Variants in SEMA5A observed in about 807,000 individuals in gnomAD.
SEMA5A encodes the protein semaphorin-5A.
SEMA5A carries 55 observed loss-of-function variants against 135.5 expected under a neutral mutation model. That is an observed-to-expected ratio of 0.41 (90% CI 0.33 to 0.51). SEMA5A has a LOEUF of 0.51. Ranked by LOEUF, SEMA5A falls within the 20% of genes least tolerant of loss-of-function variation. The probability of loss-of-function intolerance (pLI) is 0.37; values close to 1 mark genes in which losing one functional copy is unlikely to be tolerated. For missense variants in SEMA5A, 1,290 were observed against 1,419.9 expected (o/e 0.91, Z 1.47); for synonymous variants, 580 against 546.5 (o/e 1.06, Z -0.85).
chr5:9,163,360 G>A (rs550853005), intron 11 of SEMA5A, among the ~76,000 whole-genome samples: 5 of 152,194 alleles, frequency 3.3e-5, no homozygotes, highest in East Asian at 1.9e-4. Flanking sequence ...TATATATAAT[G>A]TAGACTCTCA....
At chr5:9,365,584 C>G (rs146863189) in intron 3 of SEMA5A, among the ~76,000 whole-genome samples, 1 of 152,122 alleles carries the variant, frequency 6.6e-6, no homozygotes, top group South Asian at 2.1e-4. Flanking sequence ...AGATGAGTTC[C>G]TCACTCACCT....
rs1229341997 is a variant in SEMA5A, at chr5:9,471,644, A to G, written c.-174-33792T>C. ...AGAAACAGTAGCAAAGAGAGTTTTT[A>G]AATATCCAAACTATGCATCCTAAAT... On this transcript the variant is annotated intron_variant, in intron 1 of 22. Coordinates refer to ENST00000382496, the MANE Select transcript of SEMA5A (RefSeq NM_003966.3). 4.6e-5 allele frequency among the ~76,000 whole-genome samples: 7 copies of G among 152,374 alleles called. No individual in the cohort carries two copies. In the East Asian group the frequency reaches 1.2e-3, roughly 25 times the overall value.
Position 9,165,116 on chromosome 5 carries a change from A to G in SEMA5A, c.1274-10421T>C, listed in dbSNP as rs547648254. On this transcript the variant is annotated intron_variant, in intron 11 of 22. Coordinates refer to ENST00000382496, the MANE Select transcript of SEMA5A (RefSeq NM_003966.3). ...TGGCTTAAATGCTGAGACACCTGGG[A>G]ACACTGAGCAATCAAAAAATACTCA... 4.6e-5 allele frequency among the ~76,000 whole-genome samples: 7 copies of G among 152,304 alleles called. No homozygotes were observed. The South Asian group carries it at 1.5e-3, about 32-fold the overall frequency.
chr5:9,488,595 C>G (rs1183087208), intron 1 of SEMA5A, among the ~76,000 whole-genome samples: 4 of 152,168 alleles, frequency 2.6e-5, no homozygotes, highest in Admixed American at 6.5e-5. Context: ...CTGCATGGGT[C>G]ATATGTCTGA....
At chr5:9,382,552 A>C (rs1755661857) in intron 2 of SEMA5A, among the ~76,000 whole-genome samples, 1 of 152,188 alleles carries the variant, frequency 6.6e-6, no homozygotes, top group Non-Finnish European at 1.5e-5. Flanking sequence ...AGGAAGGAAA[A>C]GACATGATAA....
intron 12 of SEMA5A, among the ~76,000 whole-genome samples, chr5:9,143,511 A>C (rs1053932389): frequency 6.6e-6 from 1 of 152,240 alleles, no homozygotes; most frequent in African/African-American, 2.4e-5. Flanking sequence ...AAGCATACTA[A>C]GCATATGTTC....
Position 9,489,971 on chromosome 5 carries a change from A to G in SEMA5A, c.-174-52119T>C, listed in dbSNP as rs117108821. On this transcript the variant is annotated intron_variant, in intron 1 of 22. Coordinates refer to ENST00000382496, the MANE Select transcript of SEMA5A (RefSeq NM_003966.3). ...CTTGCTATGTGATTTTGCAGAAGAC[A>G]TGGAAGTTGGCAGGCTAGCTGAAAT... is the stretch of plus-strand genomic sequence containing the variant. Among the ~76,000 whole-genome samples the G allele has an allele frequency of 6.5e-4, 99 of 152,322 alleles. No individual in the cohort carries two copies. The East Asian group carries it at 0.016, about 25-fold the overall frequency.
chr5:9,162,843 T>A (rs1579516512), intron 11 of SEMA5A, among the ~76,000 whole-genome samples: 1 of 152,160 alleles, frequency 6.6e-6, no homozygotes, highest in East Asian at 1.9e-4. Context: ...GGTCCAGAAA[T>A]GTTAACTGAT....
intron 1 of SEMA5A, among the ~76,000 whole-genome samples, chr5:9,503,921 G>A (rs1036675672): frequency 3.3e-5 from 5 of 152,088 alleles, no homozygotes; most frequent in African/African-American, 7.2e-5. Flanking sequence ...TAATTATAAC[G>A]AAATACATTT....
chr5:9,521,616 C>G (rs141447811), intron 1 of SEMA5A, among the ~76,000 whole-genome samples: 2 of 152,284 alleles, frequency 1.3e-5, no homozygotes, highest in East Asian at 3.9e-4. Flanking sequence ...TTTATGAAAT[C>G]TGCTGGAGCC....
chr5:9,135,371 T>C (rs966061867), intron 13 of SEMA5A, among the ~76,000 whole-genome samples: 1 of 151,754 alleles, frequency 6.6e-6, no homozygotes, highest in East Asian at 2.0e-4. Flanking sequence ...TTAGCAGAGA[T>C]GGGGTTTCAC....
rs1175561556 is a variant in SEMA5A at position 9,331,046 on chromosome 5, C to T, written c.224+6667G>A. Reference sequence around the variant, plus strand: ...TGCTAATCTCTGATTTCATACCGCTCAGCATGTATTCCCTTTAATTGTGTC... The same window carrying T: ...TGCTAATCTCTGATTTCATACCGCTTAGCATGTATTCCCTTTAATTGTGTC... On this transcript the variant is annotated intron_variant, in intron 4 of 22. Coordinates refer to ENST00000382496, the MANE Select transcript of SEMA5A (RefSeq NM_003966.3). Among the ~76,000 whole-genome samples, 3 of 152,210 alleles carry T rather than the reference C, an allele frequency of 2.0e-5. 1 individual carries two copies. The highest frequency in any genetic ancestry group is 4.4e-5 in the Non-Finnish European group (3 of 68,048).
At chr5:9,184,765 C>T (rs1301571705) in intron 11 of SEMA5A, among the ~76,000 whole-genome samples, 2 of 152,002 alleles carry the variant, frequency 1.3e-5, no homozygotes, top group Non-Finnish European at 2.9e-5. Context: ...TTACATTTCT[C>T]TCCCTTTTTT....
chr5:9,332,151 G>A (rs1313514170), intron 4 of SEMA5A, among the ~76,000 whole-genome samples: 1 of 151,980 alleles, frequency 6.6e-6, no homozygotes, highest in Non-Finnish European at 1.5e-5. Context: ...GGTGTGCAAA[G>A]TGTGCAGTAT....
rs578184477 is a variant in SEMA5A, at chr5:9,530,697, C to A, written c.-175+14887G>T. On this transcript the variant is annotated intron_variant, in intron 1 of 22. Coordinates refer to ENST00000382496, the MANE Select transcript of SEMA5A (RefSeq NM_003966.3). ...TGGTATTCTGACCACTCAACTCAGA[C>A]CTCAGCTGCACTCAGGATGCATCTA... Among the ~76,000 whole-genome samples the A allele has an allele frequency of 3.9e-5, 6 of 152,268 alleles. No individual in the cohort carries two copies. The East Asian group carries it at 9.7e-4, about 25-fold the overall frequency.
At chr5:9,113,776 A>G (rs914278765) in intron 15 of SEMA5A, among the ~76,000 whole-genome samples, 1 of 152,210 alleles carries the variant, frequency 6.6e-6, no homozygotes, top group African/African-American at 2.4e-5. Context: ...ACTAGGATGG[A>G]TAAAATTAAG....
chr5:9,222,905 G>T (rs1747085609), intron 8 of SEMA5A, among the ~76,000 whole-genome samples: 1 of 152,188 alleles, frequency 6.6e-6, no homozygotes, highest in Admixed American at 6.5e-5. Context: ...GTTTTTCCAG[G>T]ATATTCTTAA....
intron 16 of SEMA5A, among the ~76,000 whole-genome samples, chr5:9,092,470 G>A (rs565206496): frequency 3.3e-5 from 5 of 152,292 alleles, no homozygotes; most frequent in Middle Eastern, 3.4e-3. Context: ...TCCCTGCCAA[G>A]TATTACCTAA....
intron 1 of SEMA5A, among the ~76,000 whole-genome samples, chr5:9,485,248 C>T (rs1383325203): frequency 1.4e-5 from 2 of 147,148 alleles, no homozygotes; most frequent in Non-Finnish European, 3.0e-5. Context: ...CACCCCCAGG[C>T]CCTGGAAATT....
Sources: allele counts gnomAD v4.1 joint callset (sites outside exome capture counted in the v4.1 genomes callset), GRCh38; gene constraint gnomAD v4.1.1; transcripts MANE v1.5; gene names NCBI Gene and HGNC (gene_info 2026-07-23, HGNC 2026-07-21).